SGCZ: variants seen among roughly 807,000 people sequenced by gnomAD.
SGCZ encodes the protein zeta-sarcoglycan.
Under a neutral mutation model 41.3 loss-of-function variants are expected in SGCZ, and 40 were observed. The ratio of observed to expected loss-of-function variants is 0.97; its 90% CI spans 0.75 to 1.26. The LOEUF (loss-of-function observed/expected upper bound fraction) is 1.26, where lower values mean the gene tolerates loss of function less well. Among genes scored for constraint, SGCZ ranks in the 50% most tolerant of loss-of-function variants. The pLI is 0.00. For synonymous variants in SGCZ, 206 were observed against 137.5 expected (o/e 1.50, Z -3.49); for missense variants, 552 against 369.8 (o/e 1.49, Z -4.04).
chr8:14,826,751 T>C (rs1247889791), intron 1 of SGCZ, among the ~76,000 whole-genome samples: 5 of 152,176 alleles, frequency 3.3e-5, no homozygotes, highest in Admixed American at 6.5e-5. Context: ...AGTGTCTGTT[T>C]ATATCCTTTG....
intron 4 of SGCZ, among the ~76,000 whole-genome samples, chr8:14,230,891 G>T (rs991946162): frequency 6.6e-6 from 1 of 151,752 alleles, no homozygotes; most frequent in Non-Finnish European, 1.5e-5. Flanking sequence ...GTATCTACTG[G>T]TTAAAAAGTA....
At chr8:15,204,154 G>C (rs757592224) in intron 1 of SGCZ, among the ~76,000 whole-genome samples, 2 of 151,246 alleles carry the variant, frequency 1.3e-5, no homozygotes, top group Non-Finnish European at 1.5e-5. Flanking sequence ...TTGCTGGAGA[G>C]AACTCTGTAT....
Position 14,175,123 on chromosome 8 carries a change from A to T in SGCZ, c.425-10421T>A, listed in dbSNP as rs184747713. On this transcript the variant is annotated intron_variant, in intron 4 of 7. Transcript: ENST00000382080. ...TGAGGGGCATATCATTCAACCTATA[A>T]AATGTGTCTTCAATGCCCTAGAAGA... Among the ~76,000 whole-genome samples the T allele has an allele frequency of 4.6e-5, 7 of 152,248 alleles. No individual in the cohort carries two copies. In the East Asian group the frequency reaches 1.4e-3, roughly 29 times the overall value.
chr8:14,896,017 A>T (rs1359017088), intron 1 of SGCZ, among the ~76,000 whole-genome samples: 1 of 152,210 alleles, frequency 6.6e-6, no homozygotes, highest in Admixed American at 6.5e-5. Flanking sequence ...CCCTCAGTCC[A>T]ATCTCTACTT....
chr8:14,977,682 C>G (rs1801522619), intron 1 of SGCZ, among the ~76,000 whole-genome samples: 1 of 151,870 alleles, frequency 6.6e-6, no homozygotes, highest in Non-Finnish European at 1.5e-5. Flanking sequence ...AAAGAAAAGC[C>G]CAAAGTTTTG....
intron 1 of SGCZ, among the ~76,000 whole-genome samples, chr8:14,959,088 C>T (rs1417316530): frequency 4.6e-5 from 7 of 152,030 alleles, no homozygotes; most frequent in Admixed American, 4.6e-4. Context: ...TAAACATTAC[C>T]ATCAACTACA....
intron 1 of SGCZ, among the ~76,000 whole-genome samples, chr8:14,640,853 G>T (rs1181209914): frequency 6.6e-6 from 1 of 151,580 alleles, no homozygotes; most frequent in Non-Finnish European, 1.5e-5. Context: ...AATACTCTGG[G>T]TATGAGACAC....
chr8:14,545,059 C>T (rs551880022), intron 2 of SGCZ, among the ~76,000 whole-genome samples: 42 of 152,202 alleles, frequency 2.8e-4, no homozygotes, highest in Non-Finnish European at 4.6e-4. Context: ...TCACCCCTAG[C>T]GGCCCAGCTG....
intron 1 of SGCZ, among the ~76,000 whole-genome samples, chr8:14,950,772 TA>T (rs1220937529): frequency 2.0e-5 from 3 of 151,918 alleles, no homozygotes; most frequent in East Asian, 1.9e-4. Context: ...ATACGTAGTC[TA>T]AAAAAATTTA....
At chr8:15,062,707 A>C (rs1467823330) in intron 1 of SGCZ, among the ~76,000 whole-genome samples, 1 of 152,232 alleles carries the variant, frequency 6.6e-6, no homozygotes, top group African/African-American at 2.4e-5. Context: ...TTTTGAGAAT[A>C]AATTGAAAAA....
chr8:14,500,188 C>T (rs1306572055), intron 2 of SGCZ, among the ~76,000 whole-genome samples: 1 of 151,994 alleles, frequency 6.6e-6, no homozygotes, highest in African/African-American at 2.4e-5. Flanking sequence ...TGTAAAGAAT[C>T]GCTTAAAATA....
chr8:14,797,567 T>C (rs1287082380), intron 1 of SGCZ, among the ~76,000 whole-genome samples: 3 of 152,130 alleles, frequency 2.0e-5, no homozygotes, highest in Non-Finnish European at 4.4e-5. Flanking sequence ...GACAAGGCAA[T>C]AGCAAAGAAA....
intron 2 of SGCZ, among the ~76,000 whole-genome samples, chr8:14,353,082 T>C (rs1417594834): frequency 1.0e-5 from 1 of 98,954 alleles, no homozygotes; most frequent in African/African-American, 2.7e-5. Context: ...TGCATGAGTT[T>C]GAAATCTTGT....
chr8:14,634,922 T>C (rs1325676000), intron 1 of SGCZ, among the ~76,000 whole-genome samples: 1 of 151,888 alleles, frequency 6.6e-6, no homozygotes, highest in Admixed American at 6.6e-5. Flanking sequence ...ATATACATAG[T>C]AACTATTGAT....
chr8:15,172,152 C>CGGT (rs1322884184), intron 1 of SGCZ, among the ~76,000 whole-genome samples: 17,636 of 67,510 alleles, frequency 0.26, 2,855 homozygotes, highest in East Asian at 0.45. Context: ...CTTTTATACT[C>CGGT]TGTTTTTTTT....
At position 14,799,396 on chromosome 8, in the gene SGCZ, G is replaced by A. The variant is rs76724671; in HGVS notation, c.40-244470C>T. ...AAGGCAAGACAGAATTTGATTTCCA[G>A]GAGAACCCCAATTTTCTTTCAGTAT... On this transcript the variant is annotated intron_variant, in intron 1 of 7. Transcript: ENST00000382080. Among the ~76,000 whole-genome samples, 434 of 152,230 alleles carry A rather than the reference G, an allele frequency of 2.9e-3. 2 individuals carry two copies. The highest frequency in any genetic ancestry group is 9.9e-3 in the African/African-American group (411 of 41,546).
At chr8:14,568,267 A>C (rs1804441032) in intron 1 of SGCZ, among the ~76,000 whole-genome samples, 1 of 152,068 alleles carries the variant, frequency 6.6e-6, no homozygotes, top group Non-Finnish European at 1.5e-5. Context: ...GAGCATCAGG[A>C]CAATACCTAA....
chr8:15,027,722 T>C (rs913084625), intron 1 of SGCZ, among the ~76,000 whole-genome samples: 1 of 152,072 alleles, frequency 6.6e-6, no homozygotes, highest in Admixed American at 6.6e-5. Flanking sequence ...CTTTAACAAA[T>C]CAACATTCCT....
At chr8:14,198,879 T>C (rs1430475215) in intron 4 of SGCZ, among the ~76,000 whole-genome samples, 1 of 152,190 alleles carries the variant, frequency 6.6e-6, no homozygotes, top group African/African-American at 2.4e-5. Context: ...ATCAATACTC[T>C]TGTGATTTCC....
Sources: gnomAD v4.1 joint callset for allele counts (sites outside exome capture counted in the v4.1 genomes callset) on GRCh38, gnomAD v4.1.1 for gene constraint, MANE v1.5 for transcripts, NCBI Gene and HGNC (gene_info 2026-07-23, HGNC 2026-07-21) for gene names.